Variants in ROPN1 observed in about 807,000 individuals in gnomAD.
ROPN1 encodes the protein ropporin-1A.
ROPN1 carries 14 observed loss-of-function variants against 20.5 expected under a neutral mutation model. That is an observed-to-expected ratio of 0.68 (90% confidence interval 0.45 to 1.07). ROPN1 has a LOEUF of 1.07. Ranked by LOEUF, ROPN1 falls within the 50% of genes least tolerant of loss-of-function variation. ROPN1 has a pLI of 0.00. For missense variants in ROPN1, 169 were observed against 242.8 expected (o/e 0.70, Z 2.02); for synonymous variants, 76 against 95.7 (o/e 0.79, Z 1.20).
intron 1 of ROPN1, among the ~76,000 whole-genome samples, chr3:123,986,978 A>C (rs1312033800): frequency 6.6e-6 from 1 of 152,252 alleles, no homozygotes; most frequent in Non-Finnish European, 1.5e-5. Flanking sequence ...GACCAGCCCC[A>C]TCTGATGAAC....
Position 123,976,925 on chromosome 3 carries a change from C to G in ROPN1, c.173G>C (p.Arg58Pro). 6.2e-7 allele frequency: 1 copy of G among 1,614,100 alleles called. No homozygotes were observed. Among genetic ancestry groups the G allele is most frequent in the Non-Finnish European group, 8.5e-7 (1 of 1,180,004 alleles). Residue 58 changes from arginine (R) to proline (P), a missense_variant, in exon 3 of 6, where the codon CGA becomes CCA. Around this residue, in one of 3 missense-constraint regions of ROPN1, gnomAD observed 84 missense variants for 99.3 expected, o/e 0.85. Transcript: ENST00000405845. ...CTCTGCCCGGTTACACAAAGCGACT[C>G]GCTCAGACCGCTCTCTCACCGGAGG... ...ETPPVRERSE[R>P]VALCNRAELT...
At chr3:123,981,943 CAAGA>C (rs1024410488) in intron 1 of ROPN1, among the ~76,000 whole-genome samples, 3 of 151,852 alleles carry the variant, frequency 2.0e-5, no homozygotes, top group African/African-American at 7.3e-5. Flanking sequence ...AAAAAGAAGG[CAAGA>C]AAGGAGGGGT....
intron 1 of ROPN1, among the ~76,000 whole-genome samples, chr3:123,984,602 A>G (rs547798818): frequency 6.6e-5 from 10 of 152,254 alleles, no homozygotes; most frequent in African/African-American, 2.2e-4. Flanking sequence ...GTTGCTTTTT[A>G]TAGTCAGAGA....
chr3:123,987,147 CT>C (rs1203895852), intron 1 of ROPN1, among the ~76,000 whole-genome samples: 1 of 152,246 alleles, frequency 6.6e-6, no homozygotes, highest in East Asian at 1.9e-4. Flanking sequence ...GCTTGCTGCC[CT>C]ACTTCTCTAA....
intron 4 of ROPN1, among the ~76,000 whole-genome samples, chr3:123,971,211 G>A (rs538386798): frequency 1.3e-4 from 20 of 152,266 alleles, no homozygotes; most frequent in African/African-American, 4.8e-4. Flanking sequence ...TCCTCTCCCA[G>A]AACAGAATGA....
At chr3:123,970,846 C>G (rs562380300) in intron 4 of ROPN1, among the ~76,000 whole-genome samples, 2 of 152,148 alleles carry the variant, frequency 1.3e-5, no homozygotes, top group African/African-American at 2.4e-5. Context: ...TATTGGTTGA[C>G]AATGAGTGCC....
In ROPN1 at chr3:123,986,018, A is replaced by AAAAAAAAAAAAAAAAAAT. The variant is rs201340337; in HGVS notation, c.-12-5526_-12-5525insATTTTTTTTTTTTTTTTT. On this transcript the variant is annotated intron_variant, in intron 1 of 5. Coordinates refer to ENST00000405845, the MANE Select transcript of ROPN1 (RefSeq NM_001317774.2). ...AAAAAAAAAAAAAAAAAAAAAAAAA[A>AAAAAAAAAAAAAAAAAAT]TCAAAATATTTAAATTATACTTGAA... Among the ~76,000 whole-genome samples, 28 of 93,988 alleles carry AAAAAAAAAAAAAAAAAAT rather than the reference A, an allele frequency of 3.0e-4. 7 individuals are homozygous for AAAAAAAAAAAAAAAAAAT. The East Asian group carries it at 5.3e-3, about 18-fold the overall frequency. The allele number at this position is 93,988 out of a possible 152,430, so 61.7% of individuals were successfully genotyped here.
intron 1 of ROPN1, chr3:123,980,814 A>G (rs1230893256): frequency 8.6e-6 from 2 of 233,440 alleles, no homozygotes; most frequent in Non-Finnish European, 1.6e-5. Flanking sequence ...TTTTCAGTAT[A>G]TATATGTTTG....
intron 2 of ROPN1, 161 bp downstream of exon 2, chr3:123,980,205 T>C (rs2038108529): frequency 1.5e-6 from 1 of 676,344 alleles, no homozygotes; most frequent in Admixed American, 2.5e-5. Flanking sequence ...GTAGCATTTA[T>C]GTGTGGATTT....
intron 4 of ROPN1, among the ~76,000 whole-genome samples, chr3:123,971,050 G>A (rs546940470): frequency 7.7e-6 from 1 of 129,958 alleles, no homozygotes; most frequent in Admixed American, 1.0e-4. Flanking sequence ...ATGATGTACG[G>A]ATCATCCTGA....
intron 1 of ROPN1, among the ~76,000 whole-genome samples, chr3:123,990,897 C>T (rs1461191617): frequency 6.6e-6 from 1 of 152,170 alleles, no homozygotes. Flanking sequence ...ATGGGCTAAA[C>T]AGGGCTTCCG....
At chr3:123,978,058 T>C (rs1470765025) in intron 2 of ROPN1, among the ~76,000 whole-genome samples, 1 of 152,140 alleles carries the variant, frequency 6.6e-6, no homozygotes, top group African/African-American at 2.4e-5. Flanking sequence ...ATGAAAATAA[T>C]ATAGAGGGAA....
At chr3:123,977,331 T>C (rs1157276738) in intron 2 of ROPN1, among the ~76,000 whole-genome samples, 1 of 152,194 alleles carries the variant, frequency 6.6e-6, no homozygotes, top group African/African-American at 2.4e-5. Flanking sequence ...ATATTACATA[T>C]GTATATATAA....
At chr3:123,972,625 T>G (rs868822299) in intron 4 of ROPN1, among the ~76,000 whole-genome samples, 12 of 152,190 alleles carry the variant, frequency 7.9e-5, no homozygotes, top group Middle Eastern at 3.2e-3. Context: ...CTGAATAATG[T>G]GTATTAGACG....
chr3:123,976,799 G>T lies in ROPN1; in HGVS notation c.234+65C>A, dbSNP rs2038032816. 4 of 1,515,796 alleles carry T rather than the reference G, an allele frequency of 2.6e-6. No individual in the cohort carries two copies. In the East Asian group the frequency reaches 6.8e-5, roughly 26 times the overall value. 93.9% of individuals were successfully genotyped at this position (1,515,796 alleles called of 1,614,324 possible). A position where few individuals can be genotyped will look rare whatever the true frequency, so the allele number is the denominator to read the frequency against. On this transcript the variant is annotated intron_variant, in intron 3 of 5. Coordinates refer to ENST00000405845, the MANE Select transcript of ROPN1 (RefSeq NM_001317774.2). ...CTGTCAGGAGAACAGAGGGCTTTTTGTCTGTACCCACCCAGCCTCAACACT... is the reference window on the plus strand; with the variant it reads ...CTGTCAGGAGAACAGAGGGCTTTTTTTCTGTACCCACCCAGCCTCAACACT...
chr3:123,989,078 C>T (rs559450021), intron 1 of ROPN1, among the ~76,000 whole-genome samples: 53 of 152,166 alleles, frequency 3.5e-4, no homozygotes, highest in Middle Eastern at 3.4e-3. Context: ...AGAAGACAGC[C>T]GGGTACAGGG....
Position 123,970,074 on chromosome 3 carries a change from G to A in ROPN1, c.540C>T (p.Val180=). ...GTTCCATGTAGTTTAGCATCCTGCT[G>A]ACATGTGATGCAGAGATCTCCCCAT... ...KVDGEISASH[V]SRMLNYMEQE... Residue 180 remains valine (V), a synonymous_variant, in exon 5 of 6, where the codon GTC becomes GTT. Coordinates refer to ENST00000405845, the MANE Select transcript of ROPN1 (RefSeq NM_001317774.2). 1 of 1,614,164 alleles carries A rather than the reference G, an allele frequency of 6.2e-7. No individual in the cohort carries two copies. Among genetic ancestry groups the A allele is most frequent in the Admixed American group, 1.7e-5 (1 of 60,014 alleles).
chr3:123,983,531 G>A (rs1453878789), intron 1 of ROPN1, among the ~76,000 whole-genome samples: 1 of 152,176 alleles, frequency 6.6e-6, no homozygotes, highest in Non-Finnish European at 1.5e-5. Flanking sequence ...TCAGTATAGA[G>A]CAAACTTAAG....
intron 4 of ROPN1, 129 bp from the exon 5 acceptor site, chr3:123,970,346 A>C (rs2037891585): frequency 1.3e-6 from 1 of 788,340 alleles, no homozygotes; most frequent in African/African-American, 1.8e-5. Context: ...TTAAGATTCT[A>C]GAAAGCTTGA....
Sources: allele counts gnomAD v4.1 joint callset (sites outside exome capture counted in the v4.1 genomes callset), GRCh38; gene constraint gnomAD v4.1.1; regional missense constraint gnomAD v4.1.1; transcripts MANE v1.5; gene names NCBI Gene and HGNC (gene_info 2026-07-23, HGNC 2026-07-21).